KLRD1: variants seen among roughly 807,000 people sequenced by gnomAD.
The protein encoded by KLRD1 is killer cell lectin like receptor D1, also known as natural killer cells antigen CD94.
KLRD1 carries 21 observed loss-of-function variants against 22.6 expected under a neutral mutation model. The observed-to-expected ratio is 0.93, with a 90% CI of 0.66 to 1.34. The LOEUF (loss-of-function observed/expected upper bound fraction) is 1.34, where lower values mean the gene tolerates loss of function less well. KLRD1 is among the 40% of genes most tolerant of loss of function. The pLI, the probability that KLRD1 is intolerant of heterozygous loss-of-function variation, is 0.00. For missense variants in KLRD1, 183 were observed against 208.6 expected (o/e 0.88, Z 0.76); for synonymous variants, 59 against 71.1 (o/e 0.83, Z 0.85).
rs1468890884 is a variant in KLRD1, at chr12:10,325,736, T to TAC, written c.*10947_*10948dup. On this transcript the variant is annotated 3_prime_UTR_variant, in exon 6 of 6. Transcript: ENST00000336164. Reference sequence around the variant, plus strand: ...GATAATATTCTATTGTATGTGTATGTACACATTGGCTACTGTGACTAGTAT... The same window carrying TAC: ...GATAATATTCTATTGTATGTGTATGTACACACATTGGCTACTGTGACTAGTAT... The TAC allele has an allele frequency of 3.9e-5, 6 of 152,256 alleles. No individual in the cohort carries two copies. Among genetic ancestry groups the TAC allele is most frequent in the African/African-American group, 1.4e-4 (6 of 41,478 alleles). 9.4% of individuals were successfully genotyped at this position (152,256 alleles called of 1,614,324 possible).
chr12:10,266,680 T>A (rs1592040890), intron 1 of KLRD1, among the ~76,000 whole-genome samples: 1 of 151,944 alleles, frequency 6.6e-6, no homozygotes, highest in East Asian at 1.9e-4. Context: ...TTATTTTATA[T>A]ATATGCACAC....
intron 1 of KLRD1, among the ~76,000 whole-genome samples, chr12:10,262,535 T>C (rs1395576515): frequency 6.6e-6 from 1 of 152,138 alleles, no homozygotes; most frequent in Non-Finnish European, 1.5e-5. Flanking sequence ...ATTTACCTAA[T>C]ACATATTTAC....
intron 5 of KLRD1, among the ~76,000 whole-genome samples, chr12:10,314,412 A>G (rs140303370): frequency 9.8e-5 from 15 of 152,326 alleles, no homozygotes; most frequent in Non-Finnish European, 1.9e-4. Flanking sequence ...AGCATATCAC[A>G]TATTTAAACC....
chr12:10,294,730 A>C (rs1340305808), intron 1 of KLRD1, among the ~76,000 whole-genome samples: 1 of 152,036 alleles, frequency 6.6e-6, no homozygotes, highest in Non-Finnish European at 1.5e-5. Context: ...AGTTGGACCC[A>C]CTCTGATATC....
At chr12:10,261,972 C>T (rs1565451886) in intron 1 of KLRD1, among the ~76,000 whole-genome samples, 1 of 151,948 alleles carries the variant, frequency 6.6e-6, no homozygotes, top group Admixed American at 6.6e-5. Flanking sequence ...GTGATGTTTT[C>T]CCCCATTGTT....
At chr12:10,254,813 A>AGAATATTTATATACTGTTAGTGGGGGTGT (rs1555101288) in intron 1 of KLRD1, among the ~76,000 whole-genome samples, 26 of 150,788 alleles carry the variant, frequency 1.7e-4, no homozygotes, top group East Asian at 1.2e-3. Flanking sequence ...GAATCACTTG[A>AGAATATTTATATACTGTTAGTGGGGGTGT]ACCCAGGAGG....
intron 1 of KLRD1, among the ~76,000 whole-genome samples, chr12:10,293,617 C>T (rs1020644302): frequency 6.6e-6 from 1 of 151,834 alleles, no homozygotes; most frequent in Non-Finnish European, 1.5e-5. Context: ...AAAGATATTG[C>T]AATAATAGTA....
chr12:10,278,006 AAC>A (rs1949607205), intron 1 of KLRD1, among the ~76,000 whole-genome samples: 1 of 152,222 alleles, frequency 6.6e-6, no homozygotes, highest in African/African-American at 2.4e-5. Context: ...TGGACATGAC[AAC>A]ACAGCGACCA....
intron 1 of KLRD1, among the ~76,000 whole-genome samples, chr12:10,259,667 A>AGAATAT (rs1949430235): frequency 6.6e-6 from 1 of 152,114 alleles, no homozygotes; most frequent in Non-Finnish European, 1.5e-5. Context: ...ATTTTCTTAA[A>AGAATAT]CCCAAAGAAT....
chr12:10,303,520 G>A (rs1278336226), upstream of KLRD1, among the ~76,000 whole-genome samples: 1 of 152,094 alleles, frequency 6.6e-6, no homozygotes, highest in Non-Finnish European at 1.5e-5. Context: ...CTCTTTTCCT[G>A]ATATAGATAA....
chr12:10,289,749 G>C (rs919417101), intron 1 of KLRD1, among the ~76,000 whole-genome samples: 1 of 152,166 alleles, frequency 6.6e-6, no homozygotes, highest in African/African-American at 2.4e-5. Context: ...TTTGTGTAAT[G>C]TATCTGGTCC....
At chr12:10,289,065 G>A (rs1401024902) in intron 1 of KLRD1, among the ~76,000 whole-genome samples, 1 of 152,196 alleles carries the variant, frequency 6.6e-6, no homozygotes, top group African/African-American at 2.4e-5. Flanking sequence ...GCTTTGCAAT[G>A]TAGACAGTTT....
intron 3 of KLRD1, among the ~76,000 whole-genome samples, chr12:10,310,646 A>G (rs960139988): frequency 6.6e-6 from 1 of 152,166 alleles, no homozygotes; most frequent in Non-Finnish European, 1.5e-5. Flanking sequence ...TTAGCCAGGC[A>G]TGGCGGCACG....
At chr12:10,281,854 A>G (rs1032789865) in intron 1 of KLRD1, among the ~76,000 whole-genome samples, 5 of 152,220 alleles carry the variant, frequency 3.3e-5, no homozygotes, top group African/African-American at 1.2e-4. Context: ...GAGCAAGACT[A>G]TATATCCAAT....
rs181445167 is a variant in KLRD1 at position 10,272,485 on chromosome 12, T to G, written c.-100-35493T>G. Among the ~76,000 whole-genome samples the G allele has an allele frequency of 3.3e-3, 504 of 152,332 alleles. 5 individuals carry two copies. The highest frequency in any genetic ancestry group is 5.4e-3 in the Admixed American group (83 of 15,306). On this transcript the variant is annotated intron_variant, in intron 1 of 5. Transcript: ENST00000544747. The stretch of plus-strand genomic sequence containing the variant: ...TGAACTCATTATTTTTAATATTATT[T>G]TCTCATCAAAAGAAGAGATGATTTA...
At chr12:10,256,523 T>C (rs547966753) in intron 1 of KLRD1, among the ~76,000 whole-genome samples, 1 of 151,170 alleles carries the variant, frequency 6.6e-6, no homozygotes, top group African/African-American at 2.4e-5. Flanking sequence ...TTATTTATAA[T>C]ATTTAAAATT....
At chr12:10,254,997 C>T (rs1949381427) in intron 1 of KLRD1, among the ~76,000 whole-genome samples, 1 of 149,274 alleles carries the variant, frequency 6.7e-6, no homozygotes, top group Admixed American at 6.7e-5. Context: ...GAAAAAAGCT[C>T]AACATCGCTG....
intron 1 of KLRD1, among the ~76,000 whole-genome samples, chr12:10,263,108 T>A (rs1949468812): frequency 6.6e-6 from 1 of 152,022 alleles, no homozygotes; most frequent in Admixed American, 6.5e-5. Flanking sequence ...TAACATAGCT[T>A]TTTCCTACTC....
chr12:10,318,696 ATTAGCCAGGCGTGGTGACAGGCACC>A lies in KLRD1; in HGVS notation c.*3905_*3929del, dbSNP rs1950279152. 6.6e-6 allele frequency: 1 copy of A among 152,094 alleles called. No individual in the cohort carries two copies. Among genetic ancestry groups the A allele is most frequent in the Non-Finnish European group, 1.5e-5 (1 of 68,106 alleles). 9.4% of individuals were successfully genotyped at this position (152,094 alleles called of 1,614,324 possible). Reference sequence around the variant, plus strand: ...CCGTGTGTACTACAAGTACAAAAAAATTAGCCAGGCGTGGTGACAGGCACCTGTAGTCCCAGCTACTCGGGAGGCT... The same window carrying A: ...CCGTGTGTACTACAAGTACAAAAAAATGTAGTCCCAGCTACTCGGGAGGCT... On this transcript the variant is annotated 3_prime_UTR_variant, in exon 6 of 6. Transcript: ENST00000336164.
Sources: gnomAD v4.1 joint callset for allele counts (sites outside exome capture counted in the v4.1 genomes callset) on GRCh38, gnomAD v4.1.1 for gene constraint, MANE v1.5 for transcripts, NCBI Gene and HGNC (gene_info 2026-07-23, HGNC 2026-07-21) for gene names.